The following THEMIS variants were observed in gnomAD, a reference collection of about 807,000 sequenced individuals.
THEMIS encodes the protein thymocyte selection associated.
THEMIS carries 37 observed loss-of-function variants against 52.6 expected under a neutral mutation model. That is an observed-to-expected ratio of 0.70 (90% CI 0.54 to 0.93). THEMIS has a LOEUF of 0.93. Among genes scored for constraint, THEMIS ranks in the 40% least tolerant of loss-of-function variants. THEMIS has a pLI of 0.00. For synonymous variants in THEMIS, 292 were observed against 272.7 expected, an observed-to-expected ratio of 1.07 and a Z score of -0.70; for missense variants, 808 against 763.1, an observed-to-expected ratio of 1.06 and a Z score of -0.69.
chr6:127,839,302 C>T (rs552182846), intron 2 of THEMIS, among the ~76,000 whole-genome samples: 1 of 151,764 alleles, frequency 6.6e-6, no homozygotes, highest in Non-Finnish European at 1.5e-5. Flanking sequence ...TATGTTACCC[C>T]TATATATTCT....
the THEMIS span, among the ~76,000 whole-genome samples, chr6:127,701,329 G>C: frequency 6.6e-6 from 1 of 151,740 alleles, no homozygotes; most frequent in Non-Finnish European, 1.5e-5. Context: ...TTATGATTCT[G>C]GTTTTCAAAA....
At position 127,788,418 on chromosome 6, in the gene THEMIS, T is replaced by C. The variant is rs573601214; in HGVS notation, c.1758+24465A>G. ...GAATAATGAAAGGTTGAGGGATGAA[T>C]ACAAAGGAAGCTTCTTATCCCACAG... On this transcript the variant is annotated intron_variant, in intron 4 of 5. Transcript: ENST00000368248. 3.5e-4 allele frequency among the ~76,000 whole-genome samples: 54 copies of C among 152,318 alleles called. 1 individual carries two copies. In the Middle Eastern group the frequency reaches 0.014, roughly 39 times the overall value.
At position 127,862,253 on chromosome 6, in the gene THEMIS, T is replaced by C. The variant is rs117932045; in HGVS notation, c.92-7065A>G. Among the ~76,000 whole-genome samples, 11 of 152,150 alleles carry C rather than the reference T, an allele frequency of 7.2e-5. No homozygotes were observed. In the East Asian group the frequency reaches 2.1e-3, roughly 29 times the overall value. On this transcript the variant is annotated intron_variant, in intron 1 of 5. Coordinates refer to ENST00000368248, the MANE Select transcript of THEMIS (RefSeq NM_001010923.3). ...AAAAGACACAGGAATTTTAATCAAC[T>C]TGACAGTAATAATTCTAATTGCAAG... is the stretch of plus-strand genomic sequence containing the variant.
At chr6:127,768,002 C>G (rs966548520) in intron 4 of THEMIS, among the ~76,000 whole-genome samples, 2 of 152,128 alleles carry the variant, frequency 1.3e-5, no homozygotes, top group Non-Finnish European at 2.9e-5. Context: ...TTCCGTGGGT[C>G]TGATACAGTC....
At chr6:127,837,585 C>A (rs1329308575) in intron 2 of THEMIS, among the ~76,000 whole-genome samples, 2 of 151,704 alleles carry the variant, frequency 1.3e-5, no homozygotes, top group Non-Finnish European at 2.9e-5. Flanking sequence ...GTTTGTGTTT[C>A]TGTGTGCATG....
intron 4 of THEMIS, among the ~76,000 whole-genome samples, chr6:127,735,341 G>T (rs1333057884): frequency 6.6e-6 from 1 of 152,020 alleles, no homozygotes; most frequent in Non-Finnish European, 1.5e-5. Flanking sequence ...GTGTGTCTGT[G>T]TGTGTATGTT....
intron 4 of THEMIS, among the ~76,000 whole-genome samples, chr6:127,745,080 C>T (rs1775341779): frequency 6.6e-6 from 1 of 151,882 alleles, no homozygotes; most frequent in Non-Finnish European, 1.5e-5. Flanking sequence ...CAACATGGCT[C>T]CTGAGCTTAG....
At chr6:127,762,083 G>T (rs1442320001) in intron 4 of THEMIS, among the ~76,000 whole-genome samples, 1 of 152,082 alleles carries the variant, frequency 6.6e-6, no homozygotes, top group African/African-American at 2.4e-5. Context: ...TTTTAAAAAA[G>T]AAGGAAATTC....
At chr6:127,793,241 G>C (rs998552833) in intron 4 of THEMIS, among the ~76,000 whole-genome samples, 4 of 152,168 alleles carry the variant, frequency 2.6e-5, no homozygotes, top group African/African-American at 9.7e-5. Flanking sequence ...GACGGATTTG[G>C]CAGCCATGAA....
intron 1 of THEMIS, among the ~76,000 whole-genome samples, chr6:127,882,632 A>T (rs1583392049): frequency 6.6e-6 from 1 of 151,962 alleles, no homozygotes; most frequent in East Asian, 1.9e-4. Flanking sequence ...TTTAGTTGAA[A>T]TTATTTTTTT....
At chr6:127,713,827 G>A (rs554033757) in intron 5 of THEMIS, among the ~76,000 whole-genome samples, 89 of 151,946 alleles carry the variant, frequency 5.9e-4, no homozygotes, top group Middle Eastern at 3.4e-3. Flanking sequence ...GAGGCCACTG[G>A]AGGATATTGA....
rs149677977 is a variant in THEMIS, at chr6:127,831,644, A to T, written c.251-1710T>A. ...GTTATTTTTGAAGTCATTTTTACTC[A>T]TACAAACAAAAGGAATTTTGGTGAT... On this transcript the variant is annotated intron_variant, in intron 2 of 5. Coordinates refer to ENST00000368248, the MANE Select transcript of THEMIS (RefSeq NM_001010923.3). 1.7e-3 allele frequency among the ~76,000 whole-genome samples: 260 copies of T among 152,284 alleles called. 3 individuals are homozygous for T. The highest frequency in any genetic ancestry group is 5.7e-3 in the African/African-American group (236 of 41,576).
chr6:127,753,144 G>T (rs1288541217), intron 4 of THEMIS, among the ~76,000 whole-genome samples: 2 of 151,806 alleles, frequency 1.3e-5, no homozygotes, highest in Non-Finnish European at 2.9e-5. Context: ...TCATTAATTA[G>T]GTGTAAAAGG....
intron 4 of THEMIS, among the ~76,000 whole-genome samples, chr6:127,770,435 C>G (rs894952179): frequency 6.6e-6 from 1 of 152,170 alleles, no homozygotes; most frequent in East Asian, 1.9e-4. Flanking sequence ...TGAGAAGTGT[C>G]TGTTCATATC....
At chr6:127,842,828 C>T (rs188000114) in intron 2 of THEMIS, among the ~76,000 whole-genome samples, 1 of 151,874 alleles carries the variant, frequency 6.6e-6, no homozygotes, top group Non-Finnish European at 1.5e-5. Flanking sequence ...ATGTGTTCAG[C>T]AACCCCCTGT....
At chr6:127,819,237 C>T (rs1778250563) in intron 3 of THEMIS, among the ~76,000 whole-genome samples, 1 of 148,928 alleles carries the variant, frequency 6.7e-6, no homozygotes, top group African/African-American at 2.5e-5. Flanking sequence ...AATCAATGAG[C>T]TTGAAGATAT....
At chr6:127,898,590 TCA>T (rs563313040) in intron 1 of THEMIS, among the ~76,000 whole-genome samples, 2 of 150,556 alleles carry the variant, frequency 1.3e-5, no homozygotes, top group Non-Finnish European at 3.0e-5. Flanking sequence ...TGTGAAGTTT[TCA>T]CACACACACA....
At chr6:127,773,587 A>T (rs1776458220) in intron 4 of THEMIS, among the ~76,000 whole-genome samples, 1 of 152,208 alleles carries the variant, frequency 6.6e-6, no homozygotes, top group Non-Finnish European at 1.5e-5. Flanking sequence ...TTTTCATCAC[A>T]TATGTGACAT....
At chr6:127,851,597 T>G (rs1259020197) in intron 2 of THEMIS, among the ~76,000 whole-genome samples, 3 of 151,818 alleles carry the variant, frequency 2.0e-5, no homozygotes, top group African/African-American at 7.2e-5. Flanking sequence ...AAGCATATCC[T>G]GAATACATGC....
Sources: allele counts gnomAD v4.1 joint callset (sites outside exome capture counted in the v4.1 genomes callset), GRCh38; gene constraint gnomAD v4.1.1; transcripts MANE v1.5; gene names NCBI Gene and HGNC (gene_info 2026-07-23, HGNC 2026-07-21).